The following MPP4 variants were observed in gnomAD, a reference collection of about 807,000 sequenced individuals.
MPP4 encodes MAGUK p55 scaffold protein 4, also known as MAGUK p55 subfamily member 4.
Under a neutral mutation model 98.3 loss-of-function variants are expected in MPP4, and 91 were observed. The ratio of observed to expected loss-of-function variants is 0.93; its 90% CI spans 0.78 to 1.10. The LOEUF is 1.10. Among genes scored for constraint, MPP4 ranks in the 50% least tolerant of loss-of-function variants. The pLI is 0.00. For synonymous variants in MPP4, 261 were observed against 271.8 expected, an observed-to-expected ratio of 0.96 and a Z score of 0.39; for missense variants, 744 against 792.9, an observed-to-expected ratio of 0.94 and a Z score of 0.74.
intron 4 of MPP4, among the ~76,000 whole-genome samples, chr2:201,687,979 A>G (rs1258989296): frequency 6.6e-6 from 1 of 152,218 alleles, no homozygotes; most frequent in African/African-American, 2.4e-5. Context: ...TCAAGACTTT[A>G]GTCAGCCCCA....
At chr2:201,684,863 T>C (rs1184592205) in intron 7 of MPP4, among the ~76,000 whole-genome samples, 1 of 142,628 alleles carries the variant, frequency 7.0e-6, no homozygotes, top group African/African-American at 2.7e-5. Context: ...GGCAGGAGAA[T>C]GGCAAACCCC....
At chr2:201,688,763 A>C (rs1010003025) in intron 4 of MPP4, among the ~76,000 whole-genome samples, 14 of 151,774 alleles carry the variant, frequency 9.2e-5, no homozygotes, top group Non-Finnish European at 1.9e-4. Context: ...ATGCACCACA[A>C]CGCCCAGCTA....
chr2:201,686,823 T>G (rs935936716), intron 5 of MPP4, among the ~76,000 whole-genome samples: 1 of 152,250 alleles, frequency 6.6e-6, no homozygotes, highest in Non-Finnish European at 1.5e-5. Flanking sequence ...GTCTCAAATC[T>G]GTAAGTACTA....
intron 1 of MPP4, among the ~76,000 whole-genome samples, chr2:201,694,406 T>G (rs969949579): frequency 3.3e-5 from 5 of 152,102 alleles, no homozygotes; most frequent in Admixed American, 6.5e-5. Flanking sequence ...AGGTGCCCCA[T>G]TTCCTCTCAT....
intron 11 of MPP4, among the ~76,000 whole-genome samples, chr2:201,673,265 T>C (rs940000679): frequency 6.6e-6 from 1 of 152,174 alleles, no homozygotes; most frequent in Non-Finnish European, 1.5e-5. Context: ...AGAATCATAC[T>C]GAATGGGAAT....
intron 18 of MPP4, chr2:201,651,241 G>T: frequency 1.0e-6 from 1 of 985,446 alleles, no homozygotes; most frequent in Non-Finnish European, 1.2e-6. Flanking sequence ...TATCAAAGGA[G>T]TTACCAACCT....
Position 201,647,446 on chromosome 2 carries a change from G to A in MPP4, c.1719+245C>T, listed in dbSNP as rs189238134. 2.7e-3 allele frequency among the ~76,000 whole-genome samples: 407 copies of A among 152,160 alleles called. 2 individuals carry two copies. Among genetic ancestry groups the A allele is most frequent in the Non-Finnish European group, 3.8e-3 (257 of 67,998 alleles). On this transcript the variant is annotated intron_variant, in intron 21 of 21. Coordinates refer to ENST00000409474, the MANE Select transcript of MPP4 (RefSeq NM_033066.3). Reference sequence around the variant, plus strand: ...TGATGTCCATCCAAAAGGATAAATCGTAAGGGCATTATCCATTAGAAACAA... The same window carrying A: ...TGATGTCCATCCAAAAGGATAAATCATAAGGGCATTATCCATTAGAAACAA...
intron 4 of MPP4, among the ~76,000 whole-genome samples, chr2:201,688,675 G>A (rs767297417): frequency 5.9e-4 from 89 of 152,096 alleles, no homozygotes; most frequent in Admixed American, 2.3e-3. Context: ...GTGCAGTGGT[G>A]TGATCTCGGC....
intron 12 of MPP4, among the ~76,000 whole-genome samples, chr2:201,667,026 A>G (rs1688202496): frequency 6.6e-6 from 1 of 152,208 alleles, no homozygotes; most frequent in African/African-American, 2.4e-5. Context: ...AAATGGGGAG[A>G]GTAACAGTAC....
At chr2:201,682,937 A>AACAAAGAAAGAT in intron 7 of MPP4, 21 bp from the exon 8 acceptor site, 1 of 1,598,586 alleles carries the variant, frequency 6.3e-7, no homozygotes. Context: ...AGTAACAAAA[A>AACAAAGAAAGAT]ACAAAGAAAG....
chr2:201,647,060 TACTG>T (rs1687577811), intron 21 of MPP4, among the ~76,000 whole-genome samples: 1 of 152,216 alleles, frequency 6.6e-6, no homozygotes, highest in East Asian at 1.9e-4. Flanking sequence ...CTGTACACCT[TACTG>T]AATGTATGTT....
At position 201,666,558 on chromosome 2, in the gene MPP4, C is replaced by CA. The variant is rs748148096; in HGVS notation, c.1013-187dup. The CA allele has an allele frequency of 4.3e-4, 197 of 458,518 alleles. 2 individuals are homozygous for CA. The highest frequency in any genetic ancestry group is 1.5e-3 in the South Asian group (50 of 32,362). The allele number at this position is 458,518 out of a possible 1,614,324, so 28.4% of individuals were successfully genotyped here. ...CGACATGGTGAAACCATGTCTCTAC[C>CA]AAAAAAAACAAAAATTAGTCGGGTG... On this transcript the variant is annotated intron_variant, in intron 12 of 21. Coordinates refer to ENST00000409474, the MANE Select transcript of MPP4 (RefSeq NM_033066.3).
Position 201,685,162 on chromosome 2 carries a change from C to T in MPP4, c.493-17G>A, listed in dbSNP as rs775424564. 22 of 1,598,808 alleles carry T rather than the reference C, an allele frequency of 1.4e-5. No homozygotes were observed. The highest frequency in any genetic ancestry group is 2.3e-5 in the East Asian group (1 of 44,314). ...GGTGGCTCCCTGAAGAGAGAATAGA[C>T]GAGATCCCTCTGTTACCTGACATGA... is the stretch of plus-strand genomic sequence containing the variant. On this transcript the variant is annotated splice_polypyrimidine_tract_variant and intron_variant, in intron 6 of 21. Transcript: ENST00000409474.
chr2:201,689,299 TG>T (rs1688932677), intron 4 of MPP4, among the ~76,000 whole-genome samples: 1 of 152,120 alleles, frequency 6.6e-6, no homozygotes, highest in Admixed American at 6.5e-5. Flanking sequence ...CACTGTAGTC[TG>T]GGTGAAAGAC....
At chr2:201,665,417 G>A (rs1057066769) in intron 13 of MPP4, 1 of 151,968 alleles carries the variant, frequency 6.6e-6, no homozygotes. Flanking sequence ...TGATACTGAA[G>A]AAACTATTAA....
intron 3 of MPP4, among the ~76,000 whole-genome samples, chr2:201,691,585 T>C (rs185834266): frequency 3.3e-4 from 50 of 152,338 alleles, no homozygotes; most frequent in African/African-American, 1.1e-3. Context: ...TGGCTCAATC[T>C]TGGCTCACTA....
At chr2:201,677,902 C>G (rs1463652438) in intron 10 of MPP4, among the ~76,000 whole-genome samples, 2 of 152,180 alleles carry the variant, frequency 1.3e-5, no homozygotes, top group African/African-American at 2.4e-5. Flanking sequence ...GCGCTCGGGG[C>G]AGGCCTCTTG....
chr2:201,684,958 A>AAG, intron 7 of MPP4, 106 bp downstream of exon 7: 2 of 911,618 alleles, frequency 2.2e-6, no homozygotes, highest in Non-Finnish European at 3.1e-6. Context: ...AAAAAAAAAA[A>AAG]AAGAAAAAAA....
Position 201,681,015 on chromosome 2 carries a change from G to A in MPP4, c.752C>T (p.Thr251Ile). ...SQQMVYVRAM[T>I]EYWPQEDPDI... ...GGGATCCTCCTGGGGCCAGTACTCA[G>A]TCATGGCACGGACGTACACCTGATG... Residue 251 changes from threonine to isoleucine, a missense_variant, in exon 10 of 22, where the codon ACT becomes ATT. Coordinates refer to ENST00000409474, the MANE Select transcript of MPP4 (RefSeq NM_033066.3). 3 of 1,613,576 alleles carry A rather than the reference G, an allele frequency of 1.9e-6. No individual in the cohort carries two copies. The highest frequency in any genetic ancestry group is 2.5e-6 in the Non-Finnish European group (3 of 1,179,636).
Sources: gnomAD v4.1 joint callset for allele counts (sites outside exome capture counted in the v4.1 genomes callset) on GRCh38, gnomAD v4.1.1 for gene constraint, MANE v1.5 for transcripts, NCBI Gene and HGNC (gene_info 2026-07-23, HGNC 2026-07-21) for gene names.